The following ASB1 variants were observed in gnomAD, a reference collection of about 807,000 sequenced individuals.
ASB1 encodes the protein ankyrin repeat and SOCS box protein 1.
Under a neutral mutation model 27.7 loss-of-function variants are expected in ASB1, and 18 were observed. That is an observed-to-expected ratio of 0.65 (90% CI 0.45 to 0.96). ASB1 has a LOEUF of 0.96. Among genes scored for constraint, ASB1 ranks in the 50% least tolerant of loss-of-function variants. The pLI is 0.00. For missense variants in ASB1, 397 were observed against 451.7 expected, an observed-to-expected ratio of 0.88 and a Z score of 1.10; for synonymous variants, 189 against 187.6, an observed-to-expected ratio of 1.01 and a Z score of -0.06.
rs553488578 is a variant in ASB1, at chr2:238,444,031, T to A, written c.495-311T>A. 4.6e-4 allele frequency among the ~76,000 whole-genome samples: 70 copies of A among 152,360 alleles called. 1 individual carries two copies. The highest frequency in any genetic ancestry group is 1.9e-4 in the Non-Finnish European group (13 of 68,038). On this transcript the variant is annotated intron_variant, in intron 3 of 4. Transcript: ENST00000264607. ...GGGTTATTGTGCCAGTTTCATCAGA[T>A]GAATTTGTAAGTTTCTCTTCTTTTT...
chr2:238,439,946 TTTGTTAG>T (rs1702048511), intron 3 of ASB1, among the ~76,000 whole-genome samples: 2 of 152,230 alleles, frequency 1.3e-5, no homozygotes, highest in African/African-American at 2.4e-5. Flanking sequence ...CATTTATTAA[TTTGTTAG>T]TATAGACTCA....
At chr2:238,431,572 T>C (rs1179653224) in intron 1 of ASB1, among the ~76,000 whole-genome samples, 3 of 152,266 alleles carry the variant, frequency 2.0e-5, no homozygotes, top group Admixed American at 1.3e-4. Context: ...GAGGCCTATC[T>C]TTGAACCTTC....
At chr2:238,444,795 A>C (rs1212339919) in intron 4 of ASB1, 68 bp downstream of exon 4, 24 of 1,486,366 alleles carry the variant, frequency 1.6e-5, no homozygotes, top group Middle Eastern at 2.3e-4. Context: ...TGTAGCAATA[A>C]ACAAAAAACA....
At chr2:238,442,321 A>G (rs1188892511) in intron 3 of ASB1, among the ~76,000 whole-genome samples, 1 of 152,078 alleles carries the variant, frequency 6.6e-6, no homozygotes, top group African/African-American at 2.4e-5. Context: ...CATGTTGGCC[A>G]GGCTGGTCTT....
rs766369634 is a variant in ASB1, at chr2:238,435,990, AG to A, written c.472del (p.Asp158ThrfsTer3). On this transcript the variant is annotated frameshift_variant, in exon 3 of 5. Transcript: ENST00000264607. LOFTEE classifies it high-confidence loss of function. Reference sequence around the variant, plus strand: ...ACCACGCCTCTCGCGTGGGCCGGGCAGACATCCTGAAGGCCCTCATCAGGCC... The same window carrying A: ...ACCACGCCTCTCGCGTGGGCCGGGCAACATCCTGAAGGCCCTCATCAGGCC... ...VYHASRVGRA[D>X]ILKALIRYGA... 1.2e-6 allele frequency: 2 copies of A among 1,613,032 alleles called. No homozygotes were observed. Among genetic ancestry groups the A allele is most frequent in the Admixed American group, 3.3e-5 (2 of 59,988 alleles).
At chr2:238,438,164 A>G (rs1280371115) in intron 3 of ASB1, among the ~76,000 whole-genome samples, 1 of 149,594 alleles carries the variant, frequency 6.7e-6, no homozygotes, top group Non-Finnish European at 1.5e-5. Context: ...AGTTACCTGC[A>G]GGCTGCCCGA....
Position 238,446,703 on chromosome 2 carries a change from T to G in ASB1, c.*192T>G, listed in dbSNP as rs1282809263. On this transcript the variant is annotated 3_prime_UTR_variant, in exon 5 of 5. Coordinates refer to ENST00000264607, the MANE Select transcript of ASB1 (RefSeq NM_001040445.3). ...CTTGGGTCATTGTCAGCTGAGAGGC[T>G]TATACTAAAGTTATTATTGTTTTTC... is the stretch of plus-strand genomic sequence containing the variant. 1 of 627,644 alleles carries G rather than the reference T, an allele frequency of 1.6e-6. No individual in the cohort carries two copies. Among genetic ancestry groups the G allele is most frequent in the Admixed American group, 3.0e-5 (1 of 33,470 alleles). 38.9% of individuals were successfully genotyped at this position (627,644 alleles called of 1,614,324 possible).
chr2:238,435,779 C>T lies in ASB1; in HGVS notation c.260C>T (p.Thr87Ile), dbSNP rs9057. The T allele has an allele frequency of 6.2e-7, 1 of 1,614,204 alleles. No individual in the cohort carries two copies. Among genetic ancestry groups the T allele is most frequent in the Non-Finnish European group, 8.5e-7 (1 of 1,180,034 alleles). ...LPCTPLRIAA[T>I]AGHGSCVDFL... The stretch of plus-strand genomic sequence containing the variant: ...TGCACACCGTTGCGAATCGCGGCCA[C>T]TGCAGGCCATGGGAGCTGTGTGGAC... The change falls in exon 3 of 5, where the codon ACT (threonine) becomes ATT (isoleucine). Residue 87 changes from threonine (T) to isoleucine (I), a missense_variant. Thr to Ile is a moderately conservative substitution (Grantham distance 89). Transcript: ENST00000264607.
In ASB1 at chr2:238,448,009, G is replaced by C. The variant is rs1184187973; in HGVS notation, c.*1498G>C. ...GGAAGAACAGTCCTCGGGTGATTCA[G>C]AGGGGAAAATGCAATCCGGGAGGTG... On this transcript the variant is annotated 3_prime_UTR_variant, in exon 5 of 5. Coordinates refer to ENST00000264607, the MANE Select transcript of ASB1 (RefSeq NM_001040445.3). 1 of 152,402 alleles carries C rather than the reference G, an allele frequency of 6.6e-6. No individual in the cohort carries two copies. Among genetic ancestry groups the C allele is most frequent in the East Asian group, 1.9e-4 (1 of 5,198 alleles). The allele number at this position is 152,402 out of a possible 1,614,324, so 9.4% of individuals were successfully genotyped here.
At chr2:238,436,483 A>C (rs1701973951) in intron 3 of ASB1, among the ~76,000 whole-genome samples, 1 of 151,694 alleles carries the variant, frequency 6.6e-6, no homozygotes, top group Non-Finnish European at 1.5e-5. Context: ...TGACGTAAAA[A>C]AATTATTATT....
At chr2:238,431,295 G>T (rs1391242407) in intron 1 of ASB1, among the ~76,000 whole-genome samples, 1 of 152,192 alleles carries the variant, frequency 6.6e-6, no homozygotes, top group Non-Finnish European at 1.5e-5. Flanking sequence ...ACCAACCTCT[G>T]CTACCTTCAC....
In ASB1 at chr2:238,449,451, A is replaced by G. The variant is rs554232931; in HGVS notation, c.*2940A>G. Reference sequence around the variant, plus strand: ...ATCCCAGAAGCATCTGACTGTCACCACTGCCAGTGGCTGTGGAACAGTCCT... The same window carrying G: ...ATCCCAGAAGCATCTGACTGTCACCGCTGCCAGTGGCTGTGGAACAGTCCT... On this transcript the variant is annotated 3_prime_UTR_variant, in exon 5 of 5. Transcript: ENST00000264607. 1.3e-5 allele frequency: 2 copies of G among 152,602 alleles called. No individual in the cohort carries two copies. The highest frequency in any genetic ancestry group is 1.9e-4 in the East Asian group (1 of 5,170). 9.5% of individuals were successfully genotyped at this position (152,602 alleles called of 1,614,324 possible).
intron 1 of ASB1, chr2:238,433,324 C>T (rs1298182603): frequency 2.0e-6 from 1 of 490,812 alleles, no homozygotes; most frequent in South Asian, 2.6e-5. Context: ...CAGGGTATTG[C>T]TGTGTTGCCC....
At chr2:238,439,800 C>T (rs1175544415) in intron 3 of ASB1, among the ~76,000 whole-genome samples, 1 of 152,076 alleles carries the variant, frequency 6.6e-6, no homozygotes, top group Admixed American at 6.5e-5. Flanking sequence ...TACTCACTTC[C>T]GTTATTTGAT....
At chr2:238,434,987 T>A (rs1701939591) in intron 2 of ASB1, among the ~76,000 whole-genome samples, 1 of 152,242 alleles carries the variant, frequency 6.6e-6, no homozygotes, top group Non-Finnish European at 1.5e-5. Flanking sequence ...CCCCTGCATG[T>A]TCCTGGGCCC....
In ASB1 at chr2:238,444,325, C is replaced by G; in HGVS notation, c.495-17C>G. The G allele has an allele frequency of 6.3e-7, 1 of 1,588,310 alleles. No homozygotes were observed. Among genetic ancestry groups the G allele is most frequent in the South Asian group, 1.1e-5 (1 of 87,834 alleles). On this transcript the variant is annotated splice_polypyrimidine_tract_variant and intron_variant, in intron 3 of 4. Coordinates refer to ENST00000264607, the MANE Select transcript of ASB1 (RefSeq NM_001040445.3). ...TCAGTCCCCTGCACAGTCTGACTTT[C>G]CCTTTCTTCCCTGCAGGTACGGGGC... is the stretch of plus-strand genomic sequence containing the variant.
At position 238,446,839 on chromosome 2, in the gene ASB1, C is replaced by A; in HGVS notation, c.*328C>A. 1 of 262,642 alleles carries A rather than the reference C, an allele frequency of 3.8e-6. No homozygotes were observed. The highest frequency in any genetic ancestry group is 7.3e-6 in the Non-Finnish European group (1 of 137,528). 16.3% of individuals were successfully genotyped at this position (262,642 alleles called of 1,614,324 possible). On this transcript the variant is annotated 3_prime_UTR_variant, in exon 5 of 5. Transcript: ENST00000264607. ...TACTAATTTCCCTGTAGGGAAGACTCCCAGCACTTCTGGAACTGTGCTTCT... is the reference window on the plus strand; with the variant it reads ...TACTAATTTCCCTGTAGGGAAGACTACCAGCACTTCTGGAACTGTGCTTCT...
At chr2:238,431,853 C>A (rs546132164) in intron 1 of ASB1, among the ~76,000 whole-genome samples, 1 of 152,096 alleles carries the variant, frequency 6.6e-6, no homozygotes, top group Non-Finnish European at 1.5e-5. Context: ...AAAACAATTA[C>A]AATAGTAACA....
At position 238,451,955 on chromosome 2, in the gene ASB1, T is replaced by C. The variant is rs952485296; in HGVS notation, c.*5444T>C. 1 of 152,264 alleles carries C rather than the reference T, an allele frequency of 6.6e-6. No individual in the cohort carries two copies. Among genetic ancestry groups the C allele is most frequent in the East Asian group, 1.9e-4 (1 of 5,188 alleles). The allele number at this position is 152,264 out of a possible 1,614,324, so 9.4% of individuals were successfully genotyped here. A position where few individuals can be genotyped will look rare whatever the true frequency, so the allele number is the denominator to read the frequency against. ...TGGGGCTCCAGGGACGTACCCCAAA[T>C]GTTGCCCAGGTTGAAACTCCCTGAC... is the stretch of plus-strand genomic sequence containing the variant. On this transcript the variant is annotated 3_prime_UTR_variant, in exon 5 of 5. Coordinates refer to ENST00000264607, the MANE Select transcript of ASB1 (RefSeq NM_001040445.3).
Sources: gnomAD v4.1 joint callset for allele counts (sites outside exome capture counted in the v4.1 genomes callset) on GRCh38, gnomAD v4.1.1 for gene constraint, MANE v1.5 for transcripts, NCBI Gene and HGNC (gene_info 2026-07-23, HGNC 2026-07-21) for gene names.